Variants in IL31RA observed in about 807,000 individuals in gnomAD.
IL31RA encodes the protein interleukin 31 receptor A.
In IL31RA, 66 loss-of-function variants were observed where a neutral mutation model predicts 83.7. The observed-to-expected ratio is 0.79, with a 90% CI of 0.65 to 0.97. The LOEUF (loss-of-function observed/expected upper bound fraction) is 0.97. Ranked by LOEUF, IL31RA falls within the 50% of genes least tolerant of loss-of-function variation. The probability of loss-of-function intolerance (pLI) is 0.00; values close to 1 mark genes in which losing one functional copy is unlikely to be tolerated. For synonymous variants in IL31RA, 325 were observed against 329.0 expected (o/e 0.99, Z 0.13); for missense variants, 798 against 919.4 (o/e 0.87, Z 1.71).
At chr5:55,887,892 AAG>A (rs1413762048) in intron 5 of IL31RA, among the ~76,000 whole-genome samples, 2 of 151,660 alleles carry the variant, frequency 1.3e-5, no homozygotes, top group Non-Finnish European at 2.9e-5. Flanking sequence ...CAAAAAAAAA[AAG>A]AAAAAATTAG....
intron 5 of IL31RA, among the ~76,000 whole-genome samples, chr5:55,886,268 CTTTTTTTTTTTT>C (rs35481013): frequency 2.8e-5 from 2 of 71,512 alleles, no homozygotes; most frequent in East Asian, 7.1e-4. Flanking sequence ...TGCTTGCTTG[CTTTTTTTTTTTT>C]TTTTTTTTTT....
At chr5:55,859,431 G>T in intron 1 of IL31RA, 78 bp from the exon 2 acceptor site, 1 of 1,018,732 alleles carries the variant, frequency 9.8e-7, no homozygotes, top group Non-Finnish European at 1.6e-6. Context: ...AAAATCCCCA[G>T]AATCTATTTG....
chr5:55,916,823 G>A lies in IL31RA; in HGVS notation c.1998G>A (p.Gly666=). The change falls in exon 15 of 15, where the codon GGG becomes GGA. Residue 666 remains glycine (G), a synonymous_variant. Coordinates refer to ENST00000652347, the MANE Select transcript of IL31RA (RefSeq NM_139017.7). The part of the protein sequence containing the change: ...ARTGQENNLG[G]EKNGYVTCPF... ...CGGGTCAGGAAAACAATTTAGGAGG[G>A]GAAAAGAATGGGTATGTGACCTGCC... The A allele has an allele frequency of 6.2e-7, 1 of 1,614,170 alleles. No homozygotes were observed. The highest frequency in any genetic ancestry group is 1.3e-5 in the African/African-American group (1 of 75,036).
intron 9 of IL31RA, among the ~76,000 whole-genome samples, chr5:55,906,678 A>G (rs941566827): frequency 3.3e-5 from 5 of 152,204 alleles, no homozygotes; most frequent in Non-Finnish European, 7.3e-5. Context: ...TGATTGTTAT[A>G]GGAATAGCCT....
At chr5:55,899,708 G>T (rs1365742589) in intron 7 of IL31RA, among the ~76,000 whole-genome samples, 1 of 152,144 alleles carries the variant, frequency 6.6e-6, no homozygotes, top group East Asian at 1.9e-4. Context: ...GGAATTAGAT[G>T]AAATTTAGTA....
intron 7 of IL31RA, 73 bp downstream of exon 7, chr5:55,896,502 C>A (rs1332472839): frequency 2.6e-5 from 25 of 950,012 alleles, no homozygotes; most frequent in Non-Finnish European, 4.1e-5. Flanking sequence ...CCTCCCTTCC[C>A]TCCCTTCCAT....
In IL31RA at chr5:55,889,695, A is replaced by G. The variant is rs115552211; in HGVS notation, c.607-275A>G. Among the ~76,000 whole-genome samples the G allele has an allele frequency of 4.0e-3, 605 of 152,306 alleles. 6 individuals are homozygous for G. The highest frequency in any genetic ancestry group is 0.014 in the African/African-American group (581 of 41,570). The stretch of plus-strand genomic sequence containing the variant: ...AACAGCAAGCAGCAGAGCTCTGCTC[A>G]CCCAGACCAGGCCAGAGGCAGGAAT... On this transcript the variant is annotated intron_variant, in intron 5 of 14. Transcript: ENST00000652347.
chr5:55,858,483 G>T (rs1301111745), intron 1 of IL31RA, among the ~76,000 whole-genome samples: 1 of 152,016 alleles, frequency 6.6e-6, no homozygotes, highest in Admixed American at 6.5e-5. Flanking sequence ...AATCAAAATG[G>T]CTATCTTTAT....
the IL31RA span, among the ~76,000 whole-genome samples, chr5:55,845,469 C>G: frequency 6.8e-6 from 1 of 146,306 alleles, no homozygotes; most frequent in Non-Finnish European, 1.5e-5. Flanking sequence ...GTGTCCCCAC[C>G]CAAAATCTCG....
chr5:55,873,944 T>C (rs948716670), intron 4 of IL31RA, among the ~76,000 whole-genome samples: 6 of 152,122 alleles, frequency 3.9e-5, no homozygotes, highest in African/African-American at 1.4e-4. Flanking sequence ...AGGTGTCATA[T>C]CTAAGAAACC....
intron 3 of IL31RA, among the ~76,000 whole-genome samples, chr5:55,871,881 T>C (rs1373230361): frequency 6.8e-6 from 1 of 146,840 alleles, no homozygotes; most frequent in Non-Finnish European, 1.5e-5. Context: ...TCCTTACATA[T>C]ATGAATATAT....
chr5:55,917,094 C>A lies in IL31RA; in HGVS notation c.2269C>A (p.Pro757Thr), dbSNP rs752700330. The change falls in exon 15 of 15, where the codon CCA becomes ACA. Residue 757 changes from proline (P) to threonine (T), a missense_variant. Pro to Thr is a conservative substitution (Grantham distance 38, BLOSUM62 -1). Coordinates refer to ENST00000652347, the MANE Select transcript of IL31RA (RefSeq NM_139017.7). ...AREFLVSEKL[P>T]EHTKGEV The stretch of plus-strand genomic sequence containing the variant: ...GGAATTTCTTGTGTCTGAAAAACTT[C>A]CAGAGCACACCAAGGGAGAAGTCTA... 6.2e-7 allele frequency: 1 copy of A among 1,614,172 alleles called. No homozygotes were observed. Among genetic ancestry groups the A allele is most frequent in the Admixed American group, 1.7e-5 (1 of 60,018 alleles).
intron 3 of IL31RA, among the ~76,000 whole-genome samples, chr5:55,870,468 T>C (rs890771559): frequency 1.3e-5 from 2 of 152,246 alleles, no homozygotes; most frequent in African/African-American, 4.8e-5. Flanking sequence ...GTCCCAGTGT[T>C]GAATATCAAT....
chr5:55,848,274 G>T (rs551240362), upstream of IL31RA, among the ~76,000 whole-genome samples: 2 of 152,286 alleles, frequency 1.3e-5, no homozygotes, highest in East Asian at 3.9e-4. Flanking sequence ...AGGAAAATTA[G>T]TCTCTTCTTC....
chr5:55,891,435 G>T (rs1747985378), intron 6 of IL31RA, among the ~76,000 whole-genome samples: 2 of 152,214 alleles, frequency 1.3e-5, no homozygotes, highest in South Asian at 4.1e-4. Flanking sequence ...AAGTCAAGAT[G>T]TCAGCAGGGC....
At position 55,917,246 on chromosome 5, in the gene IL31RA, G is replaced by A; in HGVS notation, c.*126G>A. ...TCCTGCCTAGGTTAAAGTTTCCCCT[G>A]CCCCTTGAGCTGCCAGTTGAACTTG... On this transcript the variant is annotated 3_prime_UTR_variant, in exon 15 of 15. Transcript: ENST00000652347. 1 of 1,582,870 alleles carries A rather than the reference G, an allele frequency of 6.3e-7. No individual in the cohort carries two copies.
At chr5:55,868,230 T>C (rs1002975387) in intron 2 of IL31RA, among the ~76,000 whole-genome samples, 3 of 152,170 alleles carry the variant, frequency 2.0e-5, no homozygotes, top group African/African-American at 7.2e-5. Flanking sequence ...GTCCCTGTTC[T>C]AGATGGTAGT....
rs576364680 is a variant in IL31RA, at chr5:55,899,390, G to C, written c.853-526G>C. On this transcript the variant is annotated intron_variant, in intron 7 of 14. Transcript: ENST00000652347. ...CTTAAACTTCTCGCCAAGGGTTTGG[G>C]ACTGGCAGTGCGGCCCTCTTAGCTA... is the stretch of plus-strand genomic sequence containing the variant. Among the ~76,000 whole-genome samples, 4 of 152,336 alleles carry C rather than the reference G, an allele frequency of 2.6e-5. No homozygotes were observed. The East Asian group carries it at 7.7e-4, about 29-fold the overall frequency.
chr5:55,888,293 A>G, intron 5 of IL31RA, among the ~76,000 whole-genome samples: 1 of 152,192 alleles, frequency 6.6e-6, no homozygotes, highest in East Asian at 1.9e-4. Flanking sequence ...TCGGAGCCAG[A>G]GGCACCTTGG....
Sources: allele counts gnomAD v4.1 joint callset (sites outside exome capture counted in the v4.1 genomes callset), GRCh38; gene constraint gnomAD v4.1.1; transcripts MANE v1.5; gene names NCBI Gene and HGNC (gene_info 2026-07-23, HGNC 2026-07-21).